SLC17A8: variants seen among roughly 807,000 people sequenced by gnomAD.
SLC17A8 encodes solute carrier family 17 member 8, also known as vesicular glutamate transporter 3.
SLC17A8 carries 31 observed loss-of-function variants against 58.0 expected under a neutral mutation model. The ratio of observed to expected loss-of-function variants is 0.53; its 90% CI spans 0.40 to 0.72. SLC17A8 has a LOEUF of 0.72. SLC17A8 is among the 30% of genes least tolerant of loss of function. The probability of loss-of-function intolerance (pLI) is 0.00; values close to 1 mark genes in which losing one functional copy is unlikely to be tolerated. For missense variants in SLC17A8, 655 were observed against 727.8 expected (o/e 0.90, Z 1.15); for synonymous variants, 228 against 249.0 (o/e 0.92, Z 0.79).
chr12:100,364,469 T>C (rs1952505783), intron 1 of SLC17A8, among the ~76,000 whole-genome samples: 1 of 152,162 alleles, frequency 6.6e-6, no homozygotes, highest in Non-Finnish European at 1.5e-5. Context: ...TCCTGGTGAG[T>C]GGGAGCTCCG....
At chr12:100,417,994 T>C in intron 10 of SLC17A8, 35 bp from the exon 11 acceptor site, 1 of 1,614,050 alleles carries the variant, frequency 6.2e-7, no homozygotes, top group African/African-American at 1.3e-5. Flanking sequence ...AATTCTGTTC[T>C]TGACTCTGAT....
Position 100,402,343 on chromosome 12 carries a change from T to C in SLC17A8, c.767T>C (p.Met256Thr). 3 of 1,614,010 alleles carry C rather than the reference T, an allele frequency of 1.9e-6. No individual in the cohort carries two copies. Among genetic ancestry groups the C allele is most frequent in the African/African-American group, 1.3e-5 (1 of 75,014 alleles). ...GWSSVFYIYG[M>T]FGIIWYMFWL... The stretch of plus-strand genomic sequence containing the variant: ...GCCTTTTCTTTTTTAACTGCAGGCA[T>C]GTTTGGGATTATTTGGTACATGTTT... The change falls in exon 7 of 12, where the codon ATG becomes ACG. Residue 256 changes from methionine (M) to threonine (T), a missense_variant. By Grantham distance (81) the Met-to-Thr change is moderately conservative. Coordinates refer to ENST00000323346, the MANE Select transcript of SLC17A8 (RefSeq NM_139319.3).
At chr12:100,379,377 G>A (rs1952616621) in intron 1 of SLC17A8, among the ~76,000 whole-genome samples, 1 of 149,642 alleles carries the variant, frequency 6.7e-6, no homozygotes, top group African/African-American at 2.5e-5. Flanking sequence ...AGAGATTGCA[G>A]TGAGCCGAGA....
intron 1 of SLC17A8, among the ~76,000 whole-genome samples, chr12:100,358,959 TAG>T (rs1952466244): frequency 6.6e-6 from 1 of 151,948 alleles, no homozygotes; most frequent in Non-Finnish European, 1.5e-5. Context: ...CTGGGGAACA[TAG>T]AGAGACCATG....
Position 100,419,908 on chromosome 12 carries a change from C to G in SLC17A8, c.1519C>G (p.Gln507Glu). The G allele has an allele frequency of 6.2e-6, 10 of 1,614,040 alleles. No individual in the cohort carries two copies. The highest frequency in any genetic ancestry group is 8.5e-6 in the Non-Finnish European group (10 of 1,180,050). The change falls in exon 12 of 12, where the codon CAG becomes GAG. Residue 507 changes from glutamine to glutamate, a missense_variant. By Grantham distance (29) the Gln-to-Glu change is conservative. Coordinates refer to ENST00000323346, the MANE Select transcript of SLC17A8 (RefSeq NM_139319.3). ...FYGVFASGEK[Q>E]EWADPENLSE... ...TGGGGTCTTTGCTTCTGGGGAGAAA[C>G]AGGAGTGGGCTGACCCAGAGAATCT...
At chr12:100,416,294 A>G (rs1952906037) in intron 10 of SLC17A8, among the ~76,000 whole-genome samples, 1 of 152,234 alleles carries the variant, frequency 6.6e-6, no homozygotes, top group African/African-American at 2.4e-5. Flanking sequence ...CAACAATCAT[A>G]TTAATTGCTT....
intron 1 of SLC17A8, 27 bp downstream of exon 1, chr12:100,357,519 C>A: frequency 7.0e-7 from 1 of 1,435,958 alleles, no homozygotes; most frequent in Non-Finnish European, 9.8e-7. Flanking sequence ...AACTTTAGTT[C>A]CTTTCTGAGT....
chr12:100,382,228 T>G (rs908157944), intron 2 of SLC17A8, among the ~76,000 whole-genome samples: 1 of 152,216 alleles, frequency 6.6e-6, no homozygotes, highest in Non-Finnish European at 1.5e-5. Context: ...TGATCACATC[T>G]GTGCTCCAGA....
rs1375055443 is a variant in SLC17A8 at position 100,357,283 on chromosome 12, C to G, written c.-109C>G. ...GAGTAGTTCCCTCCACGAGAACTGA[C>G]TTCCAGGTGTTCACCAAGGGAAACA... is the stretch of plus-strand genomic sequence containing the variant. On this transcript the variant is annotated 5_prime_UTR_variant, in exon 1 of 12. Transcript: ENST00000323346. 1 of 779,632 alleles carries G rather than the reference C, an allele frequency of 1.3e-6. No homozygotes were observed. Among genetic ancestry groups the G allele is most frequent in the Non-Finnish European group, 2.4e-6 (1 of 424,382 alleles). 48.3% of individuals were successfully genotyped at this position (779,632 alleles called of 1,614,324 possible).
intron 2 of SLC17A8, among the ~76,000 whole-genome samples, chr12:100,383,051 A>C (rs1952648399): frequency 6.6e-6 from 1 of 152,196 alleles, no homozygotes; most frequent in Admixed American, 6.5e-5. Context: ...ATGCGTTTTT[A>C]AAATAAAGAA....
chr12:100,388,722 G>A (rs1301981946), intron 2 of SLC17A8, among the ~76,000 whole-genome samples: 1 of 152,210 alleles, frequency 6.6e-6, no homozygotes, highest in East Asian at 1.9e-4. Context: ...AAGATAAGCA[G>A]TGATGAAAAT....
chr12:100,384,703 A>T (rs1277601552), intron 2 of SLC17A8, among the ~76,000 whole-genome samples: 2 of 152,194 alleles, frequency 1.3e-5, no homozygotes, highest in South Asian at 2.1e-4. Flanking sequence ...AGCCAGCCTG[A>T]GGTGGGGCTG....
intron 1 of SLC17A8, among the ~76,000 whole-genome samples, chr12:100,371,347 C>T (rs1264031896): frequency 3.3e-5 from 5 of 152,106 alleles, no homozygotes; most frequent in Non-Finnish European, 5.9e-5. Context: ...GTCTCCAGGG[C>T]ATGTTCTCTG....
chr12:100,396,295 CAAATCAACT>C, intron 4 of SLC17A8, 26 bp from the exon 5 acceptor site: 4 of 1,540,476 alleles, frequency 2.6e-6, no homozygotes, highest in Non-Finnish European at 3.6e-6. Context: ...AAACTACAGT[CAAATCAACT>C]AATCTATTTT....
chr12:100,393,528 C>A (rs377237198), intron 4 of SLC17A8, 45 bp downstream of exon 4: 2 of 1,389,310 alleles, frequency 1.4e-6, no homozygotes, highest in Non-Finnish European at 2.0e-6. Context: ...CTAGAGACAG[C>A]GCAGTCCTTT....
chr12:100,398,734 A>G (rs117298500), intron 5 of SLC17A8, among the ~76,000 whole-genome samples: 1 of 152,224 alleles, frequency 6.6e-6, no homozygotes, highest in Non-Finnish European at 1.5e-5. Flanking sequence ...TCGCCACCCA[A>G]ATCTCATCTT....
At chr12:100,381,060 C>A in intron 2 of SLC17A8, 107 bp downstream of exon 2, 1 of 1,349,344 alleles carries the variant, frequency 7.4e-7, no homozygotes, top group Non-Finnish European at 1.1e-6. Flanking sequence ...CAGCCCCAAC[C>A]TGCCAGGTTG....
Position 100,357,140 on chromosome 12 carries a change from A to T in SLC17A8, c.-252A>T. On this transcript the variant is annotated 5_prime_UTR_variant, in exon 1 of 12. Coordinates refer to ENST00000323346, the MANE Select transcript of SLC17A8 (RefSeq NM_139319.3). ...GCAGAGCGTGCAGCTTTTGCAAGGG[A>T]CTGAATTCCCAGCCAGACACCCCTT... 1 of 444,206 alleles carries T rather than the reference A, an allele frequency of 2.3e-6. No homozygotes were observed. Among genetic ancestry groups the T allele is most frequent in the Non-Finnish European group, 4.2e-6 (1 of 239,914 alleles). The allele number at this position is 444,206 out of a possible 1,614,324, so 27.5% of individuals were successfully genotyped here.
Position 100,420,402 on chromosome 12 carries a change from A to T in SLC17A8, c.*243A>T. 1 of 477,212 alleles carries T rather than the reference A, an allele frequency of 2.1e-6. No homozygotes were observed. The allele number at this position is 477,212 out of a possible 1,614,324, so 29.6% of individuals were successfully genotyped here. A position where few individuals can be genotyped will look rare whatever the true frequency, so the allele number is the denominator to read the frequency against. On this transcript the variant is annotated 3_prime_UTR_variant, in exon 12 of 12. Coordinates refer to ENST00000323346, the MANE Select transcript of SLC17A8 (RefSeq NM_139319.3). The stretch of plus-strand genomic sequence containing the variant: ...TTGACAGTTGACCCTTCTCTCAAAG[A>T]GCTAAACTTATTCAGAAAGGAATGA...
Sources: gnomAD v4.1 joint callset for allele counts (sites outside exome capture counted in the v4.1 genomes callset) on GRCh38, gnomAD v4.1.1 for gene constraint, MANE v1.5 for transcripts, NCBI Gene and HGNC (gene_info 2026-07-23, HGNC 2026-07-21) for gene names.